The following ANK3 variants were observed in gnomAD, a reference collection of about 807,000 sequenced individuals.
The protein encoded by ANK3 is ankyrin-3.
ANK3 carries 57 observed loss-of-function variants against 370.9 expected under a neutral mutation model. That is an observed-to-expected ratio of 0.15 (90% CI 0.12 to 0.19). The LOEUF is 0.19. Ranked by LOEUF, ANK3 falls within the 10% of genes least tolerant of loss-of-function variation. The pLI, the probability that ANK3 is intolerant of heterozygous loss-of-function variation, is 1.00. For synonymous variants in ANK3, 1,929 were observed against 1,946.3 expected (o/e 0.99, Z 0.23); for missense variants, 4,439 against 5,302.1 (o/e 0.84, Z 5.06).
At chr10:60,550,866 T>C (rs188976249) in intron 2 of ANK3, among the ~76,000 whole-genome samples, 384 of 152,218 alleles carry the variant, frequency 2.5e-3, no homozygotes, top group Non-Finnish European at 4.0e-3. Flanking sequence ...TATGCCTTTT[T>C]GTAACTTCTG....
chr10:60,676,178 G>A (rs1052918595), intron 1 of ANK3, among the ~76,000 whole-genome samples: 1 of 152,096 alleles, frequency 6.6e-6, no homozygotes, highest in African/African-American at 2.4e-5. Flanking sequence ...AATAGTTGAT[G>A]TTGCAATTTT....
intron 25 of ANK3, among the ~76,000 whole-genome samples, chr10:60,115,322 T>G (rs1360820013): frequency 1.3e-5 from 2 of 152,206 alleles, no homozygotes; most frequent in South Asian, 4.1e-4. Flanking sequence ...CTATTCTATT[T>G]GCCTAGCAGA....
At chr10:60,694,682 C>T (rs1589039138) in intron 1 of ANK3, among the ~76,000 whole-genome samples, 1 of 152,182 alleles carries the variant, frequency 6.6e-6, no homozygotes, top group East Asian at 1.9e-4. Context: ...AAATACTTTA[C>T]AGACAAGCAA....
At chr10:60,394,291 C>G (rs2063170584), upstream of ANK3, among the ~76,000 whole-genome samples, 1 of 151,618 alleles carries the variant, frequency 6.6e-6, no homozygotes, top group Non-Finnish European at 1.5e-5. Context: ...ATTTTTAATT[C>G]ACAGTCTCAT....
intron 2 of ANK3, among the ~76,000 whole-genome samples, chr10:60,430,025 T>C (rs1278446721): frequency 6.6e-6 from 1 of 152,250 alleles, no homozygotes; most frequent in East Asian, 1.9e-4. Context: ...TATGCTTATA[T>C]ACAAGTAGTA....
chr10:60,655,446 G>A (rs1588979561), intron 1 of ANK3, among the ~76,000 whole-genome samples: 1 of 151,492 alleles, frequency 6.6e-6, no homozygotes, highest in East Asian at 1.9e-4. Context: ...CGTTTAAAGA[G>A]GAAAAATAAA....
intron 1 of ANK3, among the ~76,000 whole-genome samples, chr10:60,359,390 A>C (rs2058272505): frequency 6.6e-6 from 1 of 152,088 alleles, no homozygotes; most frequent in Admixed American, 6.6e-5. Flanking sequence ...CCTTGGATCA[A>C]TTTCTCTCTA....
intron 1 of ANK3, among the ~76,000 whole-genome samples, chr10:60,724,631 C>G (rs913502560): frequency 1.2e-4 from 18 of 152,162 alleles, no homozygotes; most frequent in African/African-American, 4.3e-4. Context: ...GCACATCAGT[C>G]TCTATTATCC....
intron 17 of ANK3, among the ~76,000 whole-genome samples, chr10:60,184,435 TA>T (rs2096275319): frequency 6.6e-6 from 1 of 152,234 alleles, no homozygotes; most frequent in Admixed American, 6.5e-5. Context: ...GCCTTCTTAT[TA>T]GATAGTTTCT....
intron 2 of ANK3, among the ~76,000 whole-genome samples, chr10:60,596,465 C>T (rs1228490419): frequency 6.6e-6 from 1 of 152,108 alleles, no homozygotes; most frequent in Non-Finnish European, 1.5e-5. Flanking sequence ...CATTACCTTA[C>T]TATACGCTAT....
At chr10:60,600,605 CA>C in intron 2 of ANK3, among the ~76,000 whole-genome samples, 1 of 152,132 alleles carries the variant, frequency 6.6e-6, no homozygotes, top group East Asian at 1.9e-4. Flanking sequence ...CTTCTCATAG[CA>C]GGCATCTAAT....
chr10:60,644,860 T>C (rs1162539261), intron 1 of ANK3, among the ~76,000 whole-genome samples: 1 of 80,022 alleles, frequency 1.2e-5, no homozygotes, highest in African/African-American at 3.8e-5. Flanking sequence ...AAAGCTGAGA[T>C]TCAGGCCTGA....
At position 60,211,287 on chromosome 10, in the gene ANK3, T is replaced by C. The variant is rs559081015; in HGVS notation, c.996+2125A>G. Among the ~76,000 whole-genome samples, 361 of 145,922 alleles carry C rather than the reference T, an allele frequency of 2.5e-3. 2 individuals carry two copies. The highest frequency in any genetic ancestry group is 8.6e-3 in the African/African-American group (347 of 40,334). On this transcript the variant is annotated intron_variant, in intron 9 of 43. Coordinates refer to ENST00000280772, the MANE Select transcript of ANK3 (RefSeq NM_020987.5). ...TCTGGAGAAGGTGAACTAGAGAGATTCAGACTCAAGGGCCCAGGCAGAACA... is the reference window on the plus strand; with the variant it reads ...TCTGGAGAAGGTGAACTAGAGAGATCCAGACTCAAGGGCCCAGGCAGAACA...
intron 1 of ANK3, among the ~76,000 whole-genome samples, chr10:60,331,404 A>G (rs1162141093): frequency 6.6e-6 from 1 of 152,188 alleles, no homozygotes; most frequent in African/African-American, 2.4e-5. Flanking sequence ...ATTAAACAGA[A>G]GATTGGAAAA....
rs548792679 is a variant in ANK3 at position 60,217,204 on chromosome 10, CA to C, written c.898-3695del. Among the ~76,000 whole-genome samples the C allele has an allele frequency of 2.3e-4, 35 of 151,652 alleles. No individual in the cohort carries two copies. In the East Asian group the frequency reaches 5.6e-3, roughly 24 times the overall value. On this transcript the variant is annotated intron_variant, in intron 8 of 43. Coordinates refer to ENST00000280772, the MANE Select transcript of ANK3 (RefSeq NM_020987.5). ...GGTCTATCCATATTGTTAATTTTTTCAAAAAAACAGTGCCTGGGTTCATTGA... is the reference window on the plus strand; with the variant it reads ...GGTCTATCCATATTGTTAATTTTTTCAAAAAACAGTGCCTGGGTTCATTGA...
At chr10:60,466,593 T>G (rs1424087493) in intron 2 of ANK3, among the ~76,000 whole-genome samples, 1 of 152,152 alleles carries the variant, frequency 6.6e-6, no homozygotes, top group Non-Finnish European at 1.5e-5. Context: ...CTGAAAACAC[T>G]GGTCCACACA....
chr10:60,554,583 T>C (rs1024178950), intron 2 of ANK3, among the ~76,000 whole-genome samples: 3 of 152,286 alleles, frequency 2.0e-5, no homozygotes, highest in Non-Finnish European at 1.5e-5. Flanking sequence ...CTAAAGTAGA[T>C]GATGAGCCAA....
Position 60,070,397 on chromosome 10 carries a change from T to G in ANK3, c.10484A>C (p.Asp3495Ala). 6.2e-7 allele frequency: 1 copy of G among 1,614,122 alleles called. No homozygotes were observed. Residue 3495 changes from aspartate to alanine, a missense_variant, in exon 37 of 44, where the codon GAT becomes GCT. This residue lies in a region of ANK3 where 1,601 missense variants were observed against 1,731.7 expected (regional missense o/e 0.92). Transcript: ENST00000280772. This position sits in a 1 kb window ranked among gnomAD's most constrained non-coding sequence, Gnocchi z 5.7. ...GAAGAACTGGGCCCCTGACTTCTGA[T>G]CAGTCTTATCAGGAGTCTTTTCAGA... ...SSSEKTPDKT[D>A]QKSGAQFFTL...
At chr10:60,219,142 T>C (rs1225639676) in intron 8 of ANK3, among the ~76,000 whole-genome samples, 1 of 152,072 alleles carries the variant, frequency 6.6e-6, no homozygotes, top group Non-Finnish European at 1.5e-5. Context: ...GTCATTTATG[T>C]TCCTCTCACA....
Sources: gnomAD v4.1 joint callset for allele counts (sites outside exome capture counted in the v4.1 genomes callset) on GRCh38, gnomAD v4.1.1 for gene constraint, gnomAD v4.1.1 regional missense constraint, Gnocchi (gnomAD v3.1) non-coding constraint, MANE v1.5 for transcripts, NCBI Gene and HGNC (gene_info 2026-07-23, HGNC 2026-07-21) for gene names.